SH3PXD2A: variants seen among roughly 807,000 people sequenced by gnomAD.
The protein encoded by SH3PXD2A is SH3 and PX domains 2A, also known as SH3 and PX domain-containing protein 2A.
SH3PXD2A carries 32 observed loss-of-function variants against 115.2 expected under a neutral mutation model. That is an observed-to-expected ratio of 0.28 (90% CI 0.21 to 0.37). The LOEUF (loss-of-function observed/expected upper bound fraction) is 0.37. Ranked by LOEUF, SH3PXD2A falls within the 10% of genes least tolerant of loss-of-function variation. The probability of loss-of-function intolerance (pLI) is 1.00; values close to 1 mark genes in which losing one functional copy is unlikely to be tolerated. For missense variants in SH3PXD2A, 1,328 were observed against 1,498.7 expected (o/e 0.89, Z 1.88); for synonymous variants, 610 against 629.1 (o/e 0.97, Z 0.45).
At chr10:103,726,619 T>G (rs1235569476) in intron 4 of SH3PXD2A, among the ~76,000 whole-genome samples, 2 of 152,206 alleles carry the variant, frequency 1.3e-5, no homozygotes, top group Admixed American at 6.5e-5. Flanking sequence ...AAGGTTTCCA[T>G]GTCTATAAGC....
intron 6 of SH3PXD2A, among the ~76,000 whole-genome samples, chr10:103,687,439 C>A (rs1000125728): frequency 1.3e-5 from 2 of 152,162 alleles, no homozygotes; most frequent in Non-Finnish European, 2.9e-5. Context: ...GGCAAGTTGT[C>A]GGCCTAAGAG....
chr10:103,817,725 A>G (rs930643527), intron 1 of SH3PXD2A, among the ~76,000 whole-genome samples: 1 of 152,218 alleles, frequency 6.6e-6, no homozygotes, highest in Non-Finnish European at 1.5e-5. Flanking sequence ...ATGGAATATT[A>G]TTCAGTTATA....
chr10:103,667,347 C>T (rs1228458321), intron 7 of SH3PXD2A, among the ~76,000 whole-genome samples: 1 of 152,208 alleles, frequency 6.6e-6, no homozygotes, highest in African/African-American at 2.4e-5. Flanking sequence ...CTACAAAAGT[C>T]CCTCTAGCCC....
intron 1 of SH3PXD2A, among the ~76,000 whole-genome samples, chr10:103,813,896 G>A (rs1328919895): frequency 2.6e-5 from 4 of 151,690 alleles, no homozygotes; most frequent in Non-Finnish European, 1.5e-5. Flanking sequence ...GGAAGGTGGG[G>A]TAGGCACTGA....
At chr10:103,680,152 G>A (rs749768194) in intron 6 of SH3PXD2A, among the ~76,000 whole-genome samples, 77 of 151,910 alleles carry the variant, frequency 5.1e-4, no homozygotes, top group South Asian at 6.3e-4. Context: ...GCTAATTTTT[G>A]TATTTTTGTA....
intron 1 of SH3PXD2A, among the ~76,000 whole-genome samples, chr10:103,824,526 T>C (rs1299343537): frequency 6.6e-6 from 1 of 152,088 alleles, no homozygotes; most frequent in Non-Finnish European, 1.5e-5. Flanking sequence ...TGCCCGCCCA[T>C]ACCCACTAGT....
At position 103,848,233 on chromosome 10, in the gene SH3PXD2A, C is replaced by T. The variant is rs573000987; in HGVS notation, c.72+6962G>A. Among the ~76,000 whole-genome samples the T allele has an allele frequency of 1.7e-4, 25 of 151,402 alleles. 1 individual carries two copies. Among genetic ancestry groups the T allele is most frequent in the Non-Finnish European group, 2.5e-4 (17 of 67,884 alleles). On this transcript the variant is annotated intron_variant, in intron 1 of 14. Coordinates refer to ENST00000369774, the MANE Select transcript of SH3PXD2A (RefSeq NM_001394015.1). The stretch of plus-strand genomic sequence containing the variant: ...TCTCCTCCTCCTCCTCCTCCTCAAC[C>T]CTTCCTCCCCAGGAGCCTGGGTGCA...
chr10:103,743,118 G>T (rs2038462338), intron 3 of SH3PXD2A, among the ~76,000 whole-genome samples: 1 of 152,192 alleles, frequency 6.6e-6, no homozygotes, highest in Non-Finnish European at 1.5e-5. Context: ...CCCATGTCCA[G>T]CTGCCCTCAC....
chr10:103,791,278 T>G (rs2039033750), intron 2 of SH3PXD2A, among the ~76,000 whole-genome samples: 1 of 152,228 alleles, frequency 6.6e-6, no homozygotes, highest in Non-Finnish European at 1.5e-5. Flanking sequence ...GGGTCTGATC[T>G]GACAGGGCCT....
intron 2 of SH3PXD2A, among the ~76,000 whole-genome samples, chr10:103,777,649 A>G (rs1048885500): frequency 6.6e-6 from 1 of 152,212 alleles, no homozygotes; most frequent in African/African-American, 2.4e-5. Context: ...TCTGATGCCC[A>G]AAAGGTGCCC....
At chr10:103,636,583 G>T (rs775796249) in intron 8 of SH3PXD2A, among the ~76,000 whole-genome samples, 47 of 152,192 alleles carry the variant, frequency 3.1e-4, no homozygotes, top group Middle Eastern at 3.4e-3. Flanking sequence ...GGAAGTGACG[G>T]GCACTCCCAG....
chr10:103,846,962 G>A (rs1389901957), intron 1 of SH3PXD2A, among the ~76,000 whole-genome samples: 1 of 152,230 alleles, frequency 6.6e-6, no homozygotes. Context: ...ATGGATGCTG[G>A]TGGGAGCTAC....
intron 5 of SH3PXD2A, among the ~76,000 whole-genome samples, chr10:103,717,753 A>G (rs187162666): frequency 7.9e-5 from 12 of 152,348 alleles, no homozygotes; most frequent in Admixed American, 5.2e-4. Context: ...CCACGTGGTG[A>G]GTCCTGCCGG....
chr10:103,789,691 A>T (rs2039016417), intron 2 of SH3PXD2A, among the ~76,000 whole-genome samples: 2 of 152,220 alleles, frequency 1.3e-5, no homozygotes, highest in African/African-American at 4.8e-5. Context: ...AAGGCCCAGT[A>T]GGGGCAGAGC....
At chr10:103,835,511 G>A (rs768070051) in intron 1 of SH3PXD2A, among the ~76,000 whole-genome samples, 1 of 152,160 alleles carries the variant, frequency 6.6e-6, no homozygotes, top group Non-Finnish European at 1.5e-5. Flanking sequence ...ATCTCCACAC[G>A]GTGGAGAAAT....
intron 5 of SH3PXD2A, among the ~76,000 whole-genome samples, chr10:103,712,316 C>A (rs12771336): frequency 3.3e-5 from 5 of 152,158 alleles, no homozygotes; most frequent in Non-Finnish European, 7.3e-5. Context: ...GGGTTTTGCA[C>A]GTAGCCATCT....
intron 1 of SH3PXD2A, among the ~76,000 whole-genome samples, chr10:103,810,947 C>T (rs1199194372): frequency 3.3e-3 from 14 of 4,244 alleles, no homozygotes; most frequent in African/African-American, 0.011. Flanking sequence ...CACAGGCGCG[C>T]GCGCGCACAC....
intron 8 of SH3PXD2A, among the ~76,000 whole-genome samples, chr10:103,644,306 G>A (rs1176412110): frequency 6.6e-6 from 1 of 151,860 alleles, no homozygotes; most frequent in Non-Finnish European, 1.5e-5. Flanking sequence ...TAGGCCAGGT[G>A]CGGTGGCTCA....
intron 5 of SH3PXD2A, among the ~76,000 whole-genome samples, chr10:103,719,620 G>A (rs2038153685): frequency 6.6e-6 from 1 of 152,144 alleles, no homozygotes; most frequent in Non-Finnish European, 1.5e-5. Flanking sequence ...TCTAGTGGGA[G>A]GGGCCAACAA....
Sources: gnomAD v4.1 joint callset for allele counts (sites outside exome capture counted in the v4.1 genomes callset) on GRCh38, gnomAD v4.1.1 for gene constraint, MANE v1.5 for transcripts, NCBI Gene and HGNC (gene_info 2026-07-23, HGNC 2026-07-21) for gene names.